Variants in KIAA0319L observed in about 807,000 individuals in gnomAD.
The protein encoded by KIAA0319L is dyslexia-associated protein KIAA0319-like protein.
In KIAA0319L, 55 loss-of-function variants were observed where a neutral mutation model predicts 120.1. The observed-to-expected ratio is 0.46, with a 90% CI of 0.37 to 0.57. The LOEUF (loss-of-function observed/expected upper bound fraction) is 0.57. KIAA0319L is among the 20% of genes least tolerant of loss of function. The probability of loss-of-function intolerance (pLI) is 0.00; values close to 1 mark genes in which losing one functional copy is unlikely to be tolerated. For missense variants in KIAA0319L, 1,049 were observed against 1,255.3 expected, an observed-to-expected ratio of 0.84 and a Z score of 2.48; for synonymous variants, 398 against 471.9, an observed-to-expected ratio of 0.84 and a Z score of 2.03.
intron 7 of KIAA0319L, among the ~76,000 whole-genome samples, chr1:35,463,446 T>A (rs1466007931): frequency 1.3e-5 from 2 of 152,204 alleles, no homozygotes; most frequent in Non-Finnish European, 2.9e-5. Context: ...TGGCACAGAC[T>A]GTGCTGAAAA....
Position 35,554,502 on chromosome 1 carries a change from A to G in KIAA0319L, c.-11T>C. ...CAGCCTCTTCTCCATGGCCCTCCAG[A>G]CAGGCAGAACCAGTACACTAGAAGG... On this transcript the variant is annotated 5_prime_UTR_variant, in exon 2 of 21. Coordinates refer to ENST00000325722, the MANE Select transcript of KIAA0319L (RefSeq NM_024874.5). 6.2e-7 allele frequency: 1 copy of G among 1,601,054 alleles called. No homozygotes were observed. Among genetic ancestry groups the G allele is most frequent in the Non-Finnish European group, 8.5e-7 (1 of 1,175,714 alleles).
intron 6 of KIAA0319L, among the ~76,000 whole-genome samples, chr1:35,467,601 C>A (rs989028073): frequency 6.6e-6 from 1 of 152,178 alleles, no homozygotes; most frequent in Non-Finnish European, 1.5e-5. Flanking sequence ...ATTCAAAGTT[C>A]TAGCTAAAAT....
At chr1:35,467,791 T>C (rs1643367987) in intron 6 of KIAA0319L, among the ~76,000 whole-genome samples, 1 of 151,972 alleles carries the variant, frequency 6.6e-6, no homozygotes, top group Non-Finnish European at 1.5e-5. Flanking sequence ...TGGGTTCAAG[T>C]GATTCTCATG....
At chr1:35,464,415 G>C (rs1179769037) in intron 7 of KIAA0319L, among the ~76,000 whole-genome samples, 1 of 152,210 alleles carries the variant, frequency 6.6e-6, no homozygotes, top group Admixed American at 6.5e-5. Context: ...CCCGGCCCTA[G>C]AGATCTGCAG....
intron 4 of KIAA0319L, 42 bp from the exon 5 acceptor site, chr1:35,474,948 A>AGAG (rs1643852677): frequency 1.8e-6 from 2 of 1,095,708 alleles, no homozygotes; most frequent in Non-Finnish European, 2.8e-6. Context: ...AAATAGATCC[A>AGAG]GACTGTCTTA....
chr1:35,548,631 G>C (rs1167274850), intron 2 of KIAA0319L, among the ~76,000 whole-genome samples: 1 of 151,998 alleles, frequency 6.6e-6, no homozygotes, highest in East Asian at 1.9e-4. Flanking sequence ...TTTATATACA[G>C]GGGTACATTC....
At chr1:35,548,120 C>T (rs1461424789) in intron 2 of KIAA0319L, among the ~76,000 whole-genome samples, 5 of 147,294 alleles carry the variant, frequency 3.4e-5, no homozygotes, top group East Asian at 2.0e-4. Flanking sequence ...GACTCTGTCT[C>T]GAAAAAAAAA....
At chr1:35,456,843 G>GGA (rs1570664917) in intron 9 of KIAA0319L, among the ~76,000 whole-genome samples, 1 of 143,380 alleles carries the variant, frequency 7.0e-6, no homozygotes, top group East Asian at 2.1e-4. Flanking sequence ...AAGGAAGGAA[G>GGA]GAGAGATGGA....
chr1:35,540,359 T>C (rs545246671), intron 2 of KIAA0319L, among the ~76,000 whole-genome samples: 87 of 152,344 alleles, frequency 5.7e-4, no homozygotes, highest in Non-Finnish European at 1.1e-3. Flanking sequence ...ATGCTAAGCA[T>C]TGGAATGGTT....
At chr1:35,530,138 C>G (rs535451769) in intron 2 of KIAA0319L, among the ~76,000 whole-genome samples, 1 of 152,142 alleles carries the variant, frequency 6.6e-6, no homozygotes, top group African/African-American at 2.4e-5. Flanking sequence ...CAGGTTCAAG[C>G]AATCCTCCCA....
intron 2 of KIAA0319L, among the ~76,000 whole-genome samples, chr1:35,521,765 G>A (rs1226089724): frequency 1.3e-5 from 2 of 152,006 alleles, no homozygotes; most frequent in East Asian, 3.9e-4. Context: ...GAGGTCGGGA[G>A]ATCGAGACCA....
At position 35,456,056 on chromosome 1, in the gene KIAA0319L, C is replaced by T; in HGVS notation, c.1613G>A (p.Trp538Ter). The T allele has an allele frequency of 6.2e-7, 1 of 1,613,902 alleles. No homozygotes were observed. The highest frequency in any genetic ancestry group is 8.5e-7 in the Non-Finnish European group (1 of 1,179,904). ...CCCTTTGCTGCTTGGGCTGAGTGAC[C>T]ACTCATAGCTGGTGATGCCATGATC... ...TDDHGITSYE[W>*]SLSPSSKGKV... is the part of the protein sequence containing the mutation. Residue 538 changes from tryptophan to a stop codon, truncating the protein, a stop_gained, in exon 10 of 21, where the codon TGG becomes TAG. Coordinates refer to ENST00000325722, the MANE Select transcript of KIAA0319L (RefSeq NM_024874.5). LOFTEE classifies it high-confidence loss of function.
At chr1:35,448,054 G>A (rs751458058) in intron 16 of KIAA0319L, 119 bp downstream of exon 16, 14 of 942,116 alleles carry the variant, frequency 1.5e-5, no homozygotes, top group Non-Finnish European at 2.1e-5. Context: ...AAGGCAACAT[G>A]AGTGTTTCTG....
intron 2 of KIAA0319L, among the ~76,000 whole-genome samples, chr1:35,519,636 A>C (rs1645828159): frequency 6.6e-6 from 1 of 152,140 alleles, no homozygotes; most frequent in South Asian, 2.1e-4. Context: ...CTGCCTCCAG[A>C]CATCTCTTAT....
chr1:35,462,432 A>G (rs139082725), intron 8 of KIAA0319L, among the ~76,000 whole-genome samples, 189 bp downstream of exon 8: 26 of 152,360 alleles, frequency 1.7e-4, no homozygotes, highest in African/African-American at 6.3e-4. Flanking sequence ...TGGGGATTTT[A>G]AAGAAGGCCT....
intron 2 of KIAA0319L, among the ~76,000 whole-genome samples, chr1:35,553,271 C>G (rs1295171713): frequency 6.7e-6 from 1 of 150,366 alleles, no homozygotes. Context: ...GGTGCTAAAT[C>G]AATTACTTAT....
At chr1:35,474,576 T>C (rs919585723) in intron 5 of KIAA0319L, among the ~76,000 whole-genome samples, 3 of 152,198 alleles carry the variant, frequency 2.0e-5, no homozygotes, top group African/African-American at 7.2e-5. Context: ...TGACTGCTAA[T>C]ATAAATTTGT....
Position 35,506,194 on chromosome 1 carries a change from G to A in KIAA0319L, c.666+418C>T, listed in dbSNP as rs539371486. The stretch of plus-strand genomic sequence containing the variant: ...GTACCAAGCATGGTTAATTCTGACT[G>A]GAATAGAAACTACCTCATAAAGAAT... On this transcript the variant is annotated intron_variant, in intron 3 of 20. Coordinates refer to ENST00000325722, the MANE Select transcript of KIAA0319L (RefSeq NM_024874.5). This position sits in a 1 kb window ranked among gnomAD's most constrained non-coding sequence, Gnocchi z 4.0. Among the ~76,000 whole-genome samples, 3 of 152,274 alleles carry A rather than the reference G, an allele frequency of 2.0e-5. No individual in the cohort carries two copies. In the South Asian group the frequency reaches 6.2e-4, roughly 32 times the overall value.
intron 2 of KIAA0319L, among the ~76,000 whole-genome samples, chr1:35,536,865 CTA>C (rs757942337): frequency 5.3e-5 from 8 of 150,010 alleles, no homozygotes; most frequent in Non-Finnish European, 1.0e-4. Flanking sequence ...AATGATTAAG[CTA>C]TGCACTTAAA....
Sources: allele counts gnomAD v4.1 joint callset (sites outside exome capture counted in the v4.1 genomes callset), GRCh38; gene constraint gnomAD v4.1.1; non-coding constraint Gnocchi (gnomAD v3.1); transcripts MANE v1.5; gene names NCBI Gene and HGNC (gene_info 2026-07-23, HGNC 2026-07-21).